Variants in CSNK1G3 observed in about 807,000 individuals in gnomAD.
CSNK1G3 encodes the protein casein kinase I isoform gamma-3.
A neutral mutation model predicts 64.3 loss-of-function variants in CSNK1G3; 23 were observed. That is an observed-to-expected ratio of 0.36 (90% CI 0.26 to 0.51). The LOEUF is 0.51. CSNK1G3 is among the 20% of genes least tolerant of loss of function. The pLI, the probability that CSNK1G3 is intolerant of heterozygous loss-of-function variation, is 0.96. For synonymous variants in CSNK1G3, 158 were observed against 162.2 expected, an observed-to-expected ratio of 0.97 and a Z score of 0.20; for missense variants, 357 against 510.5, an observed-to-expected ratio of 0.70 and a Z score of 2.90.
chr5:123,537,890 A>C (rs181735530), intron 1 of CSNK1G3, among the ~76,000 whole-genome samples: 1 of 152,274 alleles, frequency 6.6e-6, no homozygotes, highest in Admixed American at 6.5e-5. Context: ...ACCACAGCTT[A>C]GTTTTGCTGG....
intron 9 of CSNK1G3, 32 bp downstream of exon 9, chr5:123,590,590 C>G (rs765209632): frequency 7.6e-7 from 1 of 1,314,966 alleles, no homozygotes; most frequent in South Asian, 1.6e-5. Flanking sequence ...ATATTACTTA[C>G]AGTATCTGTT....
At chr5:123,589,578 C>T (rs1218373878) in intron 8 of CSNK1G3, among the ~76,000 whole-genome samples, 2 of 152,064 alleles carry the variant, frequency 1.3e-5, no homozygotes, top group Non-Finnish European at 2.9e-5. Flanking sequence ...TTGGCTGGGG[C>T]TGCCTGTGAA....
chr5:123,608,565 T>C (rs778416958), intron 12 of CSNK1G3, among the ~76,000 whole-genome samples: 2 of 152,180 alleles, frequency 1.3e-5, no homozygotes, highest in Non-Finnish European at 2.9e-5. Context: ...CTTTCCTTCT[T>C]CCAACATTTA....
chr5:123,604,602 A>T, intron 10 of CSNK1G3, 122 bp from the exon 12 acceptor site: 1 of 520,324 alleles, frequency 1.9e-6, no homozygotes, highest in Non-Finnish European at 3.4e-6. Flanking sequence ...CCTCACATTA[A>T]CTTTCTAATT....
intron 3 of CSNK1G3, among the ~76,000 whole-genome samples, chr5:123,555,683 T>C (rs1367581392): frequency 1.3e-5 from 2 of 152,158 alleles, no homozygotes; most frequent in Admixed American, 1.3e-4. Flanking sequence ...ATAATGAAAA[T>C]GTCATCCTGG....
intron 6 of CSNK1G3, among the ~76,000 whole-genome samples, chr5:123,586,722 CA>C: frequency 6.6e-6 from 1 of 152,272 alleles, no homozygotes; most frequent in South Asian, 2.1e-4. Flanking sequence ...AATAAAAACA[CA>C]AACATAGTAT....
chr5:123,587,763 C>G (rs908589124), intron 6 of CSNK1G3, among the ~76,000 whole-genome samples: 20 of 152,148 alleles, frequency 1.3e-4, no homozygotes, highest in African/African-American at 4.6e-4. Flanking sequence ...TATACAGTGA[C>G]TCTGACCATG....
chr5:123,571,643 A>G (rs1050267955), intron 4 of CSNK1G3, among the ~76,000 whole-genome samples: 1 of 152,194 alleles, frequency 6.6e-6, no homozygotes, highest in East Asian at 1.9e-4. Flanking sequence ...AGTGTTTTCT[A>G]TTCTGTCCTG....
intron 6 of CSNK1G3, among the ~76,000 whole-genome samples, chr5:123,579,044 C>A (rs1561561490): frequency 6.6e-6 from 1 of 151,884 alleles, no homozygotes; most frequent in Non-Finnish European, 1.5e-5. Flanking sequence ...AAAGTACCTT[C>A]AAATATACAA....
intron 1 of CSNK1G3, among the ~76,000 whole-genome samples, chr5:123,519,516 A>AT (rs1025673793): frequency 3.3e-5 from 5 of 151,802 alleles, no homozygotes; most frequent in Non-Finnish European, 5.9e-5. Flanking sequence ...ACTTGTTTAA[A>AT]TTTTTTTTTC....
At chr5:123,546,239 A>T (rs774542682) in intron 2 of CSNK1G3, among the ~76,000 whole-genome samples, 4 of 152,166 alleles carry the variant, frequency 2.6e-5, no homozygotes, top group Non-Finnish European at 5.9e-5. Context: ...AAGTTAATAT[A>T]CTGAAACTGC....
chr5:123,610,419 G>A (rs887377962), intron 12 of CSNK1G3, among the ~76,000 whole-genome samples: 15 of 152,102 alleles, frequency 9.9e-5, no homozygotes, highest in African/African-American at 3.4e-4. Flanking sequence ...CAAAGGATGA[G>A]CAATGAGTCA....
intron 1 of CSNK1G3, among the ~76,000 whole-genome samples, chr5:123,513,312 A>G (rs746388891): frequency 2.0e-5 from 3 of 151,910 alleles, no homozygotes; most frequent in Non-Finnish European, 4.4e-5. Flanking sequence ...CAGGATGAGG[A>G]GGGAGATGTG....
At chr5:123,536,173 A>T (rs961929022) in intron 1 of CSNK1G3, among the ~76,000 whole-genome samples, 4 of 152,112 alleles carry the variant, frequency 2.6e-5, no homozygotes, top group African/African-American at 9.7e-5. Context: ...AAGCATTAAA[A>T]GCTTTGGAGC....
At chr5:123,537,174 A>G (rs1780976211) in intron 1 of CSNK1G3, among the ~76,000 whole-genome samples, 1 of 152,180 alleles carries the variant, frequency 6.6e-6, no homozygotes, top group African/African-American at 2.4e-5. Flanking sequence ...TAGCAAAGAT[A>G]TAGAATCAAC....
At chr5:123,593,952 A>T (rs1375508389) in intron 10 of CSNK1G3, among the ~76,000 whole-genome samples, 1 of 152,086 alleles carries the variant, frequency 6.6e-6, no homozygotes, top group Admixed American at 6.6e-5. Context: ...GAAAGAAAAG[A>T]GTACTGAAGG....
intron 9 of CSNK1G3, among the ~76,000 whole-genome samples, 175 bp downstream of exon 9, chr5:123,590,733 G>A (rs11241703): frequency 0.6 from 91,118 of 151,766 alleles, 28,521 homozygotes; most frequent in African/African-American, 0.78. Flanking sequence ...GAGTTTTTCA[G>A]AAGCCCTACA....
exon 4 of CSNK1G3, chr5:123,557,501 A>G: frequency 3.1e-6 from 5 of 1,607,322 alleles, no homozygotes; most frequent in South Asian, 2.2e-5. Context: ...TTAGGAGCCC[A>G]TGAAATCAAG....
intron 4 of CSNK1G3, among the ~76,000 whole-genome samples, chr5:123,566,312 T>TG (rs1786867795): frequency 6.6e-6 from 1 of 152,170 alleles, no homozygotes; most frequent in Admixed American, 6.5e-5. Context: ...GAGCTTTTCT[T>TG]GGGAAAAAAT....
Sources: gnomAD v4.1 joint callset for allele counts (sites outside exome capture counted in the v4.1 genomes callset) on GRCh38, gnomAD v4.1.1 for gene constraint, MANE v1.5 for transcripts, NCBI Gene and HGNC (gene_info 2026-07-23, HGNC 2026-07-21) for gene names.